The following USP6 variants were observed in gnomAD, a reference collection of about 807,000 sequenced individuals.
The protein encoded by USP6 is ubiquitin specific peptidase 6, also known as ubiquitin carboxyl-terminal hydrolase 6.
A neutral mutation model predicts 175.7 loss-of-function variants in USP6; 128 were observed. The observed-to-expected ratio is 0.73, with a 90% CI of 0.63 to 0.84. The LOEUF (loss-of-function observed/expected upper bound fraction) is 0.84, where lower values mean the gene tolerates loss of function less well. Among genes scored for constraint, USP6 ranks in the 40% least tolerant of loss-of-function variants. The pLI is 0.00. For synonymous variants in USP6, 562 were observed against 630.6 expected, an observed-to-expected ratio of 0.89 and a Z score of 1.63; for missense variants, 1,498 against 1,760.3, an observed-to-expected ratio of 0.85 and a Z score of 2.67.
chr17:5,122,506 GC>G (rs2072711812), intron 4 of USP6, among the ~76,000 whole-genome samples: 1 of 152,238 alleles, frequency 6.6e-6, no homozygotes, highest in Admixed American at 6.5e-5. Context: ...AGGACAAGCG[GC>G]CCGGCGGTCC....
At chr17:5,123,803 A>G (rs2072791299) in intron 4 of USP6, among the ~76,000 whole-genome samples, 1 of 150,732 alleles carries the variant, frequency 6.6e-6, no homozygotes, top group Non-Finnish European at 1.5e-5. Context: ...CACCTGTAGG[A>G]CACACACACA....
Position 5,120,674 on chromosome 17 carries a change from G to T in USP6, c.-1789G>T, listed in dbSNP as rs1215474730. ...AGGTGGATGAGGATGTCAGTGTGAAGATGGACACTGTGCCTGGAGTGAACC... is the reference window on the plus strand; with the variant it reads ...AGGTGGATGAGGATGTCAGTGTGAATATGGACACTGTGCCTGGAGTGAACC... On this transcript the variant is annotated 5_prime_UTR_variant, in exon 3 of 38. Coordinates refer to ENST00000574788, the MANE Select transcript of USP6 (RefSeq NM_001304284.2). The T allele has an allele frequency of 2.5e-6, 1 of 404,838 alleles. No homozygotes were observed. The highest frequency in any genetic ancestry group is 7.0e-5 in the East Asian group (1 of 14,304). 25.1% of individuals were successfully genotyped at this position (404,838 alleles called of 1,614,324 possible).
intron 21 of USP6, among the ~76,000 whole-genome samples, chr17:5,138,715 C>T (rs1228755303): frequency 2.0e-5 from 3 of 152,206 alleles, no homozygotes; most frequent in South Asian, 2.1e-4. Flanking sequence ...ACAAGGGAAT[C>T]GGGTGTCCCT....
Position 5,116,199 on chromosome 17 carries a change from G to A in USP6, c.-2469G>A, listed in dbSNP as rs1016533851. Among the ~76,000 whole-genome samples the A allele has an allele frequency of 7.0e-5, 10 of 141,958 alleles. No individual in the cohort carries two copies. The highest frequency in any genetic ancestry group is 2.5e-4 in the African/African-American group (10 of 40,608). 93.1% of individuals were successfully genotyped at this position (141,958 alleles called of 152,430 possible). Reference sequence around the variant, plus strand: ...CTCCAACTAGCAGTCAGGAGGGGCCGCGGGCAGCGCTCGAGACGCTCATTG... The same window carrying A: ...CTCCAACTAGCAGTCAGGAGGGGCCACGGGCAGCGCTCGAGACGCTCATTG... On this transcript the variant is annotated 5_prime_UTR_variant, in exon 1 of 38. Coordinates refer to ENST00000574788, the MANE Select transcript of USP6 (RefSeq NM_001304284.2).
At chr17:5,141,556 T>C in intron 23 of USP6, 57 bp downstream of exon 23, 1 of 1,452,438 alleles carries the variant, frequency 6.9e-7, no homozygotes, top group Non-Finnish European at 9.3e-7. Flanking sequence ...TTTTTTCTTC[T>C]TTCAACTATT....
Position 5,130,633 on chromosome 17 carries a change from G to T in USP6, c.104G>T (p.Gly35Val). ...CGAGCTGGGCTGCCAGAGGACAAGG[G>T]GCCTGAGCCCGTTGGAATCAACAGC... The part of the protein sequence containing the change: ...GHRAGLPEDK[G>V]PEPVGINSSI... Residue 35 changes from glycine to valine, a missense_variant, in exon 11 of 38, where the codon GGG becomes GTG. By Grantham distance (109) the Gly-to-Val change is moderately radical. Transcript: ENST00000574788. 6.2e-7 allele frequency: 1 copy of T among 1,613,936 alleles called. No homozygotes were observed.
rs1390930240 is a variant in USP6 at position 5,174,185 on chromosome 17, CCTCT to C, written c.*1208_*1211del. On this transcript the variant is annotated 3_prime_UTR_variant, in exon 38 of 38. Coordinates refer to ENST00000574788, the MANE Select transcript of USP6 (RefSeq NM_001304284.2). ...GTTTCTTTGCTTACTTCATTTTTTC[CCTCT>C]AATTATTTAAGATTGGAACAAAAGT... 4.1e-5 allele frequency: 8 copies of C among 193,500 alleles called. No individual in the cohort carries two copies. The highest frequency in any genetic ancestry group is 1.6e-4 in the African/African-American group (7 of 42,938). 12.0% of individuals were successfully genotyped at this position (193,500 alleles called of 1,614,324 possible).
In USP6 at chr17:5,132,449, G is replaced by A; in HGVS notation, c.195+14G>A. On this transcript the variant is annotated intron_variant, in intron 12 of 37. Coordinates refer to ENST00000574788, the MANE Select transcript of USP6 (RefSeq NM_001304284.2). This position sits in a 1 kb window ranked among gnomAD's most constrained non-coding sequence, Gnocchi z 4.7. ...CGGGAGGCGAAGGTAAGAGCCTGATGCGTGGAGGGGCTGGTCCAGGGACGT... is the reference window on the plus strand; with the variant it reads ...CGGGAGGCGAAGGTAAGAGCCTGATACGTGGAGGGGCTGGTCCAGGGACGT... 3.7e-6 allele frequency: 6 copies of A among 1,612,108 alleles called. No individual in the cohort carries two copies. Among genetic ancestry groups the A allele is most frequent in the Non-Finnish European group, 5.1e-6 (6 of 1,179,848 alleles).
At chr17:5,118,838 C>G (rs527662615) in intron 2 of USP6, among the ~76,000 whole-genome samples, 38 of 152,328 alleles carry the variant, frequency 2.5e-4, no homozygotes, top group African/African-American at 8.7e-4. Flanking sequence ...GGCCATCTCT[C>G]TCATCTACTG....
At chr17:5,160,692 G>A (rs928173068) in intron 31 of USP6, among the ~76,000 whole-genome samples, 12 of 152,184 alleles carry the variant, frequency 7.9e-5, no homozygotes, top group African/African-American at 2.7e-4. Context: ...AAACACACGT[G>A]TGCATGTGTC....
intron 17 of USP6, among the ~76,000 whole-genome samples, chr17:5,136,162 T>TC (rs1357883173): frequency 6.6e-6 from 1 of 152,190 alleles, no homozygotes; most frequent in African/African-American, 2.4e-5. Context: ...ATGGCCACCC[T>TC]CTGTGTCCTG....
chr17:5,150,286 C>G (rs1356008532), intron 30 of USP6, among the ~76,000 whole-genome samples: 1 of 109,354 alleles, frequency 9.1e-6, no homozygotes, highest in Non-Finnish European at 2.1e-5. Flanking sequence ...GAGCGAAACT[C>G]CGTCTAAAAA....
In USP6 at chr17:5,132,181, C is replaced by A. The variant is rs1406565188; in HGVS notation, c.156-215C>A. The A allele has an allele frequency of 1.3e-6, 2 of 1,522,182 alleles. No homozygotes were observed. The highest frequency in any genetic ancestry group is 2.8e-5 in the African/African-American group (2 of 72,666). 94.3% of individuals were successfully genotyped at this position (1,522,182 alleles called of 1,614,324 possible). A position where few individuals can be genotyped will look rare whatever the true frequency, so the allele number is the denominator to read the frequency against. The stretch of plus-strand genomic sequence containing the variant: ...ATGCCAGGGGCCCCAGTAACCCCAG[C>A]CAGGCTGTCCCTGCACTCCTTCTTC... On this transcript the variant is annotated intron_variant, in intron 11 of 37. Coordinates refer to ENST00000574788, the MANE Select transcript of USP6 (RefSeq NM_001304284.2). The surrounding 1 kb of genome is among the most constrained non-coding windows in gnomAD (Gnocchi z 4.7).
chr17:5,127,787 A>G (rs2072938139), intron 7 of USP6, 148 bp downstream of exon 7: 1 of 152,238 alleles, frequency 6.6e-6, no homozygotes, highest in African/African-American at 2.4e-5. Flanking sequence ...TATACATTAG[A>G]CCATCTCTAG....
At chr17:5,163,527 G>C (rs116418663) in intron 33 of USP6, among the ~76,000 whole-genome samples, 1 of 152,136 alleles carries the variant, frequency 6.6e-6, no homozygotes, top group Non-Finnish European at 1.5e-5. Flanking sequence ...CCCTGTGACC[G>C]AAACACCTCC....
At chr17:5,150,569 A>C (rs188938858) in intron 30 of USP6, among the ~76,000 whole-genome samples, 2 of 148,844 alleles carry the variant, frequency 1.3e-5, no homozygotes, top group East Asian at 4.0e-4. Context: ...ATCTCGGTTC[A>C]CTGCAGCCTC....
chr17:5,146,178 A>G lies in USP6; in HGVS notation c.2319+4A>G, dbSNP rs372561457. 1 of 1,605,758 alleles carries G rather than the reference A, an allele frequency of 6.2e-7. No homozygotes were observed. The highest frequency in any genetic ancestry group is 1.1e-5 in the South Asian group (1 of 89,776). On this transcript the variant is annotated splice_donor_region_variant and intron_variant, in intron 28 of 37. Coordinates refer to ENST00000574788, the MANE Select transcript of USP6 (RefSeq NM_001304284.2). ...AGTACATGATTCCAACATAAAGGTAATGTTAACTACTCTAAGAAACTTTTG... is the reference window on the plus strand; with the variant it reads ...AGTACATGATTCCAACATAAAGGTAGTGTTAACTACTCTAAGAAACTTTTG...
At chr17:5,137,794 C>T (rs771795170) in intron 20 of USP6, 44 bp downstream of exon 20, 2 of 1,601,638 alleles carry the variant, frequency 1.2e-6, no homozygotes, top group East Asian at 4.5e-5. Flanking sequence ...GCCCTGCAGT[C>T]AGACCCCGAC....
At position 5,130,080 on chromosome 17, in the gene USP6, G is replaced by GC; in HGVS notation, c.-9dup. 1 of 424,012 alleles carries GC rather than the reference G, an allele frequency of 2.4e-6. No individual in the cohort carries two copies. Among genetic ancestry groups the GC allele is most frequent in the Non-Finnish European group, 4.4e-6 (1 of 227,544 alleles). The allele number at this position is 424,012 out of a possible 1,614,324, so 26.3% of individuals were successfully genotyped here. On this transcript the variant is annotated 5_prime_UTR_variant, in exon 9 of 38. Transcript: ENST00000574788. The stretch of plus-strand genomic sequence containing the variant: ...TTGGCAGGTGGACACCATTCAACCT[G>GC]CCGGGGCAGGTGTGTGCCCATTTCA...
Sources: gnomAD v4.1 joint callset for allele counts (sites outside exome capture counted in the v4.1 genomes callset) on GRCh38, gnomAD v4.1.1 for gene constraint, Gnocchi (gnomAD v3.1) non-coding constraint, MANE v1.5 for transcripts, NCBI Gene and HGNC (gene_info 2026-07-23, HGNC 2026-07-21) for gene names.